FAAH2: variants seen among roughly 807,000 people sequenced by gnomAD.
The protein encoded by FAAH2 is fatty-acid amide hydrolase 2.
In FAAH2, 60 loss-of-function variants were observed where a neutral mutation model predicts 36.9. The observed-to-expected ratio is 1.63, with a 90% CI of 1.32 to 2.02. FAAH2 has a LOEUF of 2.02. FAAH2 is among the 30% of genes most tolerant of loss of function. The pLI, the probability that FAAH2 is intolerant of heterozygous loss-of-function variation, is 0.00. For missense variants in FAAH2, 689 were observed against 397.5 expected, an observed-to-expected ratio of 1.73 and a Z score of -6.23; for synonymous variants, 214 against 143.8, an observed-to-expected ratio of 1.49 and a Z score of -3.49.
At chrX:57,306,730 G>GTA (rs1248670072) in intron 2 of FAAH2, among the ~76,000 whole-genome samples, 1 of 28,673 alleles carries the variant, frequency 3.5e-5, no homozygotes, top group African/African-American at 1.9e-4. Context: ...GTGTGTGTGT[G>GTA]TATATATATA....
the FAAH2 span, among the ~76,000 whole-genome samples, chrX:57,270,127 C>A: frequency 9.0e-6 from 1 of 111,105 alleles, no homozygotes; most frequent in Admixed American, 9.6e-5. Flanking sequence ...AGGAAATGAC[C>A]AAATTCCTGG....
the FAAH2 span, among the ~76,000 whole-genome samples, chrX:57,184,447 T>C: frequency 3.6e-5 from 4 of 112,378 alleles, no homozygotes; most frequent in East Asian, 8.4e-4. Flanking sequence ...CTCTTTGTAC[T>C]GTCTCTCTTT....
the FAAH2 span, among the ~76,000 whole-genome samples, chrX:57,217,955 T>C: frequency 8.9e-6 from 1 of 111,842 alleles, no homozygotes; most frequent in Non-Finnish European, 1.9e-5. Context: ...CTATGATTTC[T>C]TTCAGCAGTG....
intron 5 of FAAH2, among the ~76,000 whole-genome samples, chrX:57,378,408 G>A (rs989205004): frequency 2.7e-5 from 3 of 111,204 alleles, no homozygotes; most frequent in Non-Finnish European, 3.8e-5. Flanking sequence ...GTTTCCATCA[G>A]AGTAGCTCTG....
chrX:57,434,788 C>A (rs2056375167), intron 8 of FAAH2, among the ~76,000 whole-genome samples: 1 of 111,084 alleles, frequency 9.0e-6, no homozygotes, highest in African/African-American at 3.3e-5. Flanking sequence ...GTAGTCCCAG[C>A]AATCCAAGAC....
chrX:57,327,992 T>G (rs778283442), intron 3 of FAAH2, among the ~76,000 whole-genome samples: 3 of 111,695 alleles, frequency 2.7e-5, no homozygotes, highest in Non-Finnish European at 5.6e-5. Flanking sequence ...TGGTCTTTGA[T>G]GATGTGATGT....
chrX:57,347,053 T>A (rs1357506863), intron 5 of FAAH2, among the ~76,000 whole-genome samples: 1 of 111,307 alleles, frequency 9.0e-6, no homozygotes, highest in African/African-American at 3.3e-5. Context: ...TGGATGGTCA[T>A]CTTGTATAGT....
chrX:57,465,921 G>T (rs1332574025), intron 10 of FAAH2, among the ~76,000 whole-genome samples: 5 of 109,731 alleles, frequency 4.6e-5, no homozygotes. Flanking sequence ...AAGGAATAAA[G>T]CTATATTGTA....
the FAAH2 span, among the ~76,000 whole-genome samples, chrX:57,201,728 A>C: frequency 9.0e-6 from 1 of 111,036 alleles, no homozygotes; most frequent in Non-Finnish European, 1.9e-5. Context: ...CTGAATAATC[A>C]TTCTACCCAT....
At chrX:57,228,980 C>T in the FAAH2 span, 1 of 111,724 alleles carries the variant, frequency 9.0e-6, no homozygotes, top group African/African-American at 3.3e-5. Flanking sequence ...CATATTTCCC[C>T]CAGACTCTAC....
At chrX:57,145,313 G>A in the FAAH2 span, among the ~76,000 whole-genome samples, 27 of 110,933 alleles carry the variant, frequency 2.4e-4, no homozygotes, top group Admixed American at 2.1e-3. Flanking sequence ...GATCATTGGT[G>A]ATGTTGATCA....
At chrX:57,399,419 G>T (rs2055380393) in intron 7 of FAAH2, among the ~76,000 whole-genome samples, 1 of 112,033 alleles carries the variant, frequency 8.9e-6, no homozygotes, top group Non-Finnish European at 1.9e-5. Context: ...TTCTTCAGTG[G>T]CTAGCCATCC....
In FAAH2 at chrX:57,309,464, T is replaced by A. The variant is rs540229288; in HGVS notation, c.276-1129T>A. 5.6e-4 allele frequency among the ~76,000 whole-genome samples: 63 copies of A among 112,045 alleles called. 1 individual carries two copies. The South Asian group carries it at 0.023, about 41-fold the overall frequency. ...CTTTTAGGAAACACCACTTTTTATT[T>A]TATTTTATTTTAAGTACTGGGGTAC... On this transcript the variant is annotated intron_variant, in intron 2 of 10. Transcript: ENST00000374900.
the FAAH2 span, among the ~76,000 whole-genome samples, chrX:57,236,075 C>T: frequency 8.9e-6 from 1 of 112,026 alleles, no homozygotes; most frequent in African/African-American, 3.2e-5. Context: ...CTAAATTACA[C>T]CTATAAGTGA....
chrX:57,387,814 T>C (rs927344382), intron 7 of FAAH2, among the ~76,000 whole-genome samples: 1 of 111,274 alleles, frequency 9.0e-6, no homozygotes, highest in Non-Finnish European at 1.9e-5. Flanking sequence ...TGTATCTTTG[T>C]TTCTGTATAT....
chrX:57,422,469 T>G (rs12688558), intron 7 of FAAH2, among the ~76,000 whole-genome samples: 25,194 of 111,722 alleles, frequency 0.23, 2,553 homozygotes, highest in Middle Eastern at 0.57. Flanking sequence ...GATGTGGGAA[T>G]TCTGCCAGTT....
At chrX:57,223,938 A>C in the FAAH2 span, among the ~76,000 whole-genome samples, 26 of 111,597 alleles carry the variant, frequency 2.3e-4, no homozygotes, top group South Asian at 3.8e-4. Context: ...AGTTGAAAAA[A>C]TTACGTCTGT....
the FAAH2 span, among the ~76,000 whole-genome samples, chrX:57,223,893 C>A: frequency 9.6e-4 from 107 of 111,636 alleles, no homozygotes; most frequent in Non-Finnish European, 1.3e-3. Context: ...AAAATGGGTT[C>A]TCCACACACC....
chrX:57,161,400 G>A, the FAAH2 span, among the ~76,000 whole-genome samples: 6 of 110,917 alleles, frequency 5.4e-5, no homozygotes, highest in South Asian at 1.5e-3. Context: ...GCTGAGTTCG[G>A]CTCCTGGATA....
Sources: gnomAD v4.1 joint callset for allele counts (sites outside exome capture counted in the v4.1 genomes callset) on GRCh38, gnomAD v4.1.1 for gene constraint, MANE v1.5 for transcripts, NCBI Gene and HGNC (gene_info 2026-07-23, HGNC 2026-07-21) for gene names.